DENND2B: variants seen among roughly 807,000 people sequenced by gnomAD.
DENND2B encodes DENN domain containing 2B.
DENND2B carries 32 observed loss-of-function variants against 116.0 expected under a neutral mutation model. The observed-to-expected ratio is 0.28, with a 90% CI of 0.21 to 0.37. The LOEUF is 0.37. DENND2B is among the 10% of genes least tolerant of loss of function. DENND2B has a pLI of 1.00. For synonymous variants in DENND2B, 588 were observed against 583.9 expected, an observed-to-expected ratio of 1.01 and a Z score of -0.10; for missense variants, 1,276 against 1,477.7, an observed-to-expected ratio of 0.86 and a Z score of 2.24.
At chr11:8,824,412 T>C (rs1056120349) in intron 4 of DENND2B, among the ~76,000 whole-genome samples, 3 of 152,216 alleles carry the variant, frequency 2.0e-5, no homozygotes, top group African/African-American at 7.2e-5. Flanking sequence ...CCATGTGTAC[T>C]CAATGTTTAG....
At chr11:8,731,684 T>C (rs913958733) in intron 2 of DENND2B, among the ~76,000 whole-genome samples, 3 of 152,198 alleles carry the variant, frequency 2.0e-5, no homozygotes, top group Admixed American at 2.0e-4. Flanking sequence ...ACTCTGTGTA[T>C]GGTAAAAAGA....
chr11:8,708,851 T>A (rs2043089860), intron 11 of DENND2B, among the ~76,000 whole-genome samples: 1 of 151,326 alleles, frequency 6.6e-6, no homozygotes, highest in Non-Finnish European at 1.5e-5. Context: ...CTTAGGAGGC[T>A]AAGGCAGGAG....
exon 1 of DENND2B, chr11:8,910,935 C>A (rs1343346718): frequency 1.8e-5 from 1 of 55,226 alleles, no homozygotes; most frequent in Admixed American, 2.4e-4. Context: ...GCCCCCAGCC[C>A]CCGACCCCCG....
intron 3 of DENND2B, among the ~76,000 whole-genome samples, chr11:8,854,346 C>T (rs1396875308): frequency 2.0e-5 from 3 of 152,058 alleles, no homozygotes; most frequent in East Asian, 3.9e-4. Flanking sequence ...AGATTACAGG[C>T]GTGCACCACC....
chr11:8,788,982 C>T (rs554013294), intron 1 of DENND2B, among the ~76,000 whole-genome samples: 1 of 152,356 alleles, frequency 6.6e-6, no homozygotes, highest in South Asian at 2.1e-4. Flanking sequence ...CAGCTCCTTT[C>T]TCTTTCCACT....
At position 8,710,836 on chromosome 11, in the gene DENND2B, C is replaced by T. The variant is rs1226144210; in HGVS notation, c.2352+9G>A. On this transcript the variant is annotated intron_variant, in intron 11 of 19. Coordinates refer to ENST00000313726, the MANE Select transcript of DENND2B (RefSeq NM_213618.2). ...CCTGCTGGCCTGAGGACCGAATGGC[C>T]TCACTCACCAGTAAGCGCCTGCAGT... 1 of 1,613,746 alleles carries T rather than the reference C, an allele frequency of 6.2e-7. No homozygotes were observed. The highest frequency in any genetic ancestry group is 1.1e-5 in the South Asian group (1 of 91,050).
At chr11:8,718,431 C>T (rs764212115) in intron 4 of DENND2B, 20 of 1,523,522 alleles carry the variant, frequency 1.3e-5, no homozygotes, top group African/African-American at 5.5e-5. Context: ...TTCTCACCTA[C>T]GATGCCGTTC....
Position 8,712,117 on chromosome 11 carries a change from G to A in DENND2B, c.2172+434C>T, listed in dbSNP as rs1592553940. The A allele has an allele frequency of 3.7e-5, 15 of 400,046 alleles. No homozygotes were observed. In the East Asian group the frequency reaches 1.1e-3, roughly 29 times the overall value. 24.8% of individuals were successfully genotyped at this position (400,046 alleles called of 1,614,324 possible). A position where few individuals can be genotyped will look rare whatever the true frequency, so the allele number is the denominator to read the frequency against. On this transcript the variant is annotated intron_variant, in intron 9 of 19. Transcript: ENST00000313726. This position sits in a 1 kb window ranked among gnomAD's most constrained non-coding sequence, Gnocchi z 4.4. The stretch of plus-strand genomic sequence containing the variant: ...GGCCAGGCTGGCTGGCGACAAGCAG[G>A]GAAGGCGGAGTGAGAGACAGGCTGG...
chr11:8,880,961 CT>C (rs1406627113), intron 2 of DENND2B: 1 of 152,132 alleles, frequency 6.6e-6, no homozygotes, highest in Non-Finnish European at 1.5e-5. Context: ...CCCCCATCTC[CT>C]GTCTCAGAAG....
intron 4 of DENND2B, 108 bp downstream of exon 4, chr11:8,725,965 G>A (rs2047020094): frequency 6.5e-7 from 1 of 1,528,316 alleles, no homozygotes. Flanking sequence ...CCAGAAGGTG[G>A]GACCATGCCT....
intron 1 of DENND2B, among the ~76,000 whole-genome samples, chr11:8,889,901 T>C (rs973020900): frequency 6.6e-6 from 1 of 152,170 alleles, no homozygotes; most frequent in Non-Finnish European, 1.5e-5. Flanking sequence ...GTAGTGGTTC[T>C]CCAAGCACGG....
At chr11:8,824,427 C>T (rs550466529) in intron 4 of DENND2B, among the ~76,000 whole-genome samples, 12 of 152,286 alleles carry the variant, frequency 7.9e-5, no homozygotes, top group Admixed American at 2.6e-4. Context: ...GTTTAGCTCC[C>T]ATTTATAAGT....
chr11:8,744,924 A>ATTTT (rs34208987), intron 2 of DENND2B, among the ~76,000 whole-genome samples: 70 of 145,678 alleles, frequency 4.8e-4, no homozygotes, highest in Middle Eastern at 3.6e-3. Context: ...TCCAGACCTG[A>ATTTT]TTTTTTTTTT....
At chr11:8,811,602 C>G, upstream of DENND2B, 1 of 355,820 alleles carries the variant, frequency 2.8e-6, no homozygotes, top group South Asian at 1.5e-4. Context: ...CCCTTCCTCT[C>G]CCCCCTACCC....
chr11:8,795,745 C>T lies in DENND2B; in HGVS notation c.-26+14772G>A, dbSNP rs558212682. On this transcript the variant is annotated intron_variant, in intron 1 of 19. Transcript: ENST00000313726. ...CATATTCAAATGTGTTTCCTTCCTG[C>T]TTCCTGGGGAAAGTGATTCCCCGCT... Among the ~76,000 whole-genome samples, 135 of 152,304 alleles carry T rather than the reference C, an allele frequency of 8.9e-4. 1 individual carries two copies. Among genetic ancestry groups the T allele is most frequent in the African/African-American group, 3.0e-3 (125 of 41,560 alleles).
chr11:8,798,451 A>G (rs1344669074), intron 1 of DENND2B, among the ~76,000 whole-genome samples: 2 of 152,174 alleles, frequency 1.3e-5, no homozygotes. Flanking sequence ...AAAAAATAAA[A>G]GCCATCCCAA....
intron 16 of DENND2B, 145 bp from the exon 17 acceptor site, chr11:8,697,781 T>C (rs1353788246): frequency 1.1e-5 from 7 of 651,186 alleles, no homozygotes; most frequent in Non-Finnish European, 1.9e-5. Context: ...CATTTTAAGA[T>C]GAGGAACTGA....
chr11:8,778,057 G>C (rs1372613147), intron 1 of DENND2B, among the ~76,000 whole-genome samples: 1 of 152,208 alleles, frequency 6.6e-6, no homozygotes, highest in Non-Finnish European at 1.5e-5. Flanking sequence ...GGCTTGTACA[G>C]CTCAGGTCAG....
intron 1 of DENND2B, among the ~76,000 whole-genome samples, chr11:8,807,554 C>T (rs373703883): frequency 1.1e-4 from 16 of 152,248 alleles, no homozygotes; most frequent in African/African-American, 3.4e-4. Flanking sequence ...TTCATCTTCC[C>T]GGGGTGACTG....
Sources: gnomAD v4.1 joint callset for allele counts (sites outside exome capture counted in the v4.1 genomes callset) on GRCh38, gnomAD v4.1.1 for gene constraint, Gnocchi (gnomAD v3.1) non-coding constraint, MANE v1.5 for transcripts, NCBI Gene and HGNC (gene_info 2026-07-23, HGNC 2026-07-21) for gene names.